HEMK2: variants seen among roughly 807,000 people sequenced by gnomAD.
HEMK2 encodes HemK methyltransferase 2, ETF1 glutamine and histone H4 lysine.
At chr21:28,681,999 T>C in the HEMK2 span, among the ~76,000 whole-genome samples, 1 of 152,174 alleles carries the variant, frequency 6.6e-6, no homozygotes, top group Admixed American at 6.5e-5. Context: ...GAGCAAGGAC[T>C]TCATGTCTAA....
chr21:28,656,621 A>G, the HEMK2 span, among the ~76,000 whole-genome samples: 1 of 152,066 alleles, frequency 6.6e-6, no homozygotes, highest in Non-Finnish European at 1.5e-5. Flanking sequence ...TAATTTCCAA[A>G]TAAAGACAAT....
chr21:28,579,610 T>C, the HEMK2 span, among the ~76,000 whole-genome samples: 9 of 152,162 alleles, frequency 5.9e-5, no homozygotes, highest in Admixed American at 3.3e-4. Flanking sequence ...TTAAATAATA[T>C]ATATTTAAGA....
chr21:28,695,469 C>CGGA, the HEMK2 span, among the ~76,000 whole-genome samples: 1 of 152,120 alleles, frequency 6.6e-6, no homozygotes, highest in Admixed American at 6.5e-5. Context: ...AGGGAGGCCT[C>CGGA]ACAATCATGG....
At chr21:28,592,792 A>G in the HEMK2 span, among the ~76,000 whole-genome samples, 2 of 152,228 alleles carry the variant, frequency 1.3e-5, no homozygotes, top group Non-Finnish European at 2.9e-5. Context: ...GTTGTTTAAC[A>G]GCTGATCCAG....
chr21:28,598,358 G>A, the HEMK2 span, among the ~76,000 whole-genome samples: 1 of 152,202 alleles, frequency 6.6e-6, no homozygotes, highest in Admixed American at 6.5e-5. Flanking sequence ...TGCTGGAGTA[G>A]GAGCAGCTGA....
the HEMK2 span, among the ~76,000 whole-genome samples, chr21:28,748,610 G>A: frequency 6.6e-6 from 1 of 152,094 alleles, no homozygotes; most frequent in Non-Finnish European, 1.5e-5. Context: ...AAAATTCCAG[G>A]AAACCAAAAG....
the HEMK2 span, among the ~76,000 whole-genome samples, chr21:28,828,462 A>G: frequency 7.9e-5 from 12 of 152,330 alleles, no homozygotes; most frequent in African/African-American, 2.9e-4. Context: ...TGAGGCTCTA[A>G]GAACTACTAG....
At chr21:28,871,068 T>C in the HEMK2 span, among the ~76,000 whole-genome samples, 1 of 152,242 alleles carries the variant, frequency 6.6e-6, no homozygotes, top group South Asian at 2.1e-4. Context: ...TCCTGTATGA[T>C]CAATTTGCAA....
At chr21:28,862,338 G>C in the HEMK2 span, among the ~76,000 whole-genome samples, 1 of 152,134 alleles carries the variant, frequency 6.6e-6, no homozygotes, top group African/African-American at 2.4e-5. Context: ...AATACAGAAT[G>C]AGTAGTAGAA....
At chr21:28,728,361 T>C in the HEMK2 span, among the ~76,000 whole-genome samples, 4 of 152,094 alleles carry the variant, frequency 2.6e-5, no homozygotes, top group East Asian at 3.9e-4. Flanking sequence ...CCAAAGGAAA[T>C]TGACAGGGCT....
the HEMK2 span, among the ~76,000 whole-genome samples, chr21:28,645,177 A>G: frequency 0.021 from 3,144 of 152,260 alleles, 104 homozygotes; most frequent in African/African-American, 0.07. Context: ...TTAATTCTCC[A>G]TGCTGCACTG....
chr21:28,716,174 T>G, the HEMK2 span, among the ~76,000 whole-genome samples: 1 of 152,170 alleles, frequency 6.6e-6, no homozygotes, highest in African/African-American at 2.4e-5. Context: ...TGTAAAAAAT[T>G]ATGTTGATAG....
chr21:28,747,891 C>T, the HEMK2 span, among the ~76,000 whole-genome samples: 1 of 152,182 alleles, frequency 6.6e-6, no homozygotes, highest in Non-Finnish European at 1.5e-5. Context: ...AGGAACATAA[C>T]CAGAGAGAGA....
the HEMK2 span, among the ~76,000 whole-genome samples, chr21:28,654,663 A>T: frequency 6.6e-6 from 1 of 152,136 alleles, no homozygotes; most frequent in African/African-American, 2.4e-5. Flanking sequence ...TCCAAACAAA[A>T]ACCTGGCTAC....
chr21:28,581,822 A>C, the HEMK2 span, among the ~76,000 whole-genome samples: 2 of 152,232 alleles, frequency 1.3e-5, no homozygotes, highest in African/African-American at 2.4e-5. Context: ...CAAATTAAAA[A>C]GGAAAATTGA....
the HEMK2 span, among the ~76,000 whole-genome samples, chr21:28,591,077 G>GTGTT: frequency 6.6e-6 from 1 of 152,328 alleles, no homozygotes; most frequent in East Asian, 1.9e-4. Context: ...TGGCAAGAAT[G>GTGTT]TGTTATTCCT....
At chr21:28,850,897 G>A in the HEMK2 span, among the ~76,000 whole-genome samples, 16 of 152,208 alleles carry the variant, frequency 1.1e-4, no homozygotes, top group African/African-American at 3.9e-4. Context: ...GGGAAGAGAA[G>A]GGGAGAGAAG....
the HEMK2 span, among the ~76,000 whole-genome samples, chr21:28,855,425 C>A: frequency 2.0e-5 from 3 of 152,140 alleles, no homozygotes; most frequent in Admixed American, 2.0e-4. Flanking sequence ...GACTTCTATA[C>A]CCTACCGACA....
the HEMK2 span, among the ~76,000 whole-genome samples, chr21:28,868,440 G>A: frequency 6.6e-6 from 1 of 152,152 alleles, no homozygotes; most frequent in African/African-American, 2.4e-5. Flanking sequence ...TCACCACTTT[G>A]GGAGGCCGAG....
Sources: gnomAD v4.1 joint callset for allele counts (sites outside exome capture counted in the v4.1 genomes callset) on GRCh38, gnomAD v4.1.1 for gene constraint, MANE v1.5 for transcripts, NCBI Gene and HGNC (gene_info 2026-07-23, HGNC 2026-07-21) for gene names.